The following MAVS variants were observed in gnomAD, a reference collection of about 807,000 sequenced individuals.
MAVS encodes mitochondrial antiviral-signaling protein.
Under a neutral mutation model 30.2 loss-of-function variants are expected in MAVS, and 20 were observed. That is an observed-to-expected ratio of 0.66 (90% confidence interval 0.47 to 0.96). The LOEUF (loss-of-function observed/expected upper bound fraction) is 0.96, where lower values mean the gene tolerates loss of function less well. Among genes scored for constraint, MAVS ranks in the 40% least tolerant of loss-of-function variants. The probability of loss-of-function intolerance (pLI) is 0.00; values close to 1 mark genes in which losing one functional copy is unlikely to be tolerated. For synonymous variants in MAVS, 278 were observed against 293.9 expected, an observed-to-expected ratio of 0.95 and a Z score of 0.55; for missense variants, 624 against 701.1, an observed-to-expected ratio of 0.89 and a Z score of 1.24.
chr20:3,873,201 T>G lies in MAVS; in HGVS notation c.*7054T>G, dbSNP rs1357194534. ...TGTAGGTGTACCCTTTGAATTCATA[T>G]GTTGAATCCTAACCCCCAAAGCAAT... On this transcript the variant is annotated 3_prime_UTR_variant, in exon 7 of 7. Transcript: ENST00000428216. 1 of 152,090 alleles carries G rather than the reference T, an allele frequency of 6.6e-6. No individual in the cohort carries two copies. The highest frequency in any genetic ancestry group is 1.5e-5 in the Non-Finnish European group (1 of 68,036). The allele number at this position is 152,090 out of a possible 1,614,324, so 9.4% of individuals were successfully genotyped here.
chr20:3,870,133 T>A lies in MAVS; in HGVS notation c.*3986T>A, dbSNP rs945902594. ...CAGGCAGGTCACCCTCACAGCCAGA[T>A]AATGTGGAGGTCAGAACCCAAGGAA... On this transcript the variant is annotated 3_prime_UTR_variant, in exon 7 of 7. Transcript: ENST00000428216. The A allele has an allele frequency of 2.0e-5, 3 of 152,276 alleles. No homozygotes were observed. The highest frequency in any genetic ancestry group is 4.4e-5 in the Non-Finnish European group (3 of 68,054). The allele number at this position is 152,276 out of a possible 1,614,324, so 9.4% of individuals were successfully genotyped here.
At chr20:3,859,922 T>G (rs926492101) in intron 3 of MAVS, among the ~76,000 whole-genome samples, 2 of 151,806 alleles carry the variant, frequency 1.3e-5, no homozygotes, top group African/African-American at 2.4e-5. Flanking sequence ...GTTCACGCCA[T>G]TCTCCTGCCT....
At chr20:3,854,084 C>T (rs563322018) in intron 1 of MAVS, among the ~76,000 whole-genome samples, 2 of 151,756 alleles carry the variant, frequency 1.3e-5, no homozygotes, top group Non-Finnish European at 2.9e-5. Flanking sequence ...AGGCGTGAAC[C>T]ACTGTGCCCA....
chr20:3,848,241 GGTGT>G (rs1190334052), intron 1 of MAVS, among the ~76,000 whole-genome samples: 12 of 152,068 alleles, frequency 7.9e-5, no homozygotes, highest in South Asian at 2.1e-4. Context: ...TGGGACTACA[GGTGT>G]GTGCCACCAT....
rs200410804 is a variant in MAVS, at chr20:3,851,545, C to G, written c.-67-3013C>G. 8.0e-5 allele frequency among the ~76,000 whole-genome samples: 12 copies of G among 150,822 alleles called. No homozygotes were observed. In the East Asian group the frequency reaches 2.4e-3, roughly 30 times the overall value. On this transcript the variant is annotated intron_variant, in intron 1 of 6. Transcript: ENST00000428216. The stretch of plus-strand genomic sequence containing the variant: ...AAAAAAGTTTATAAGGCTGAATTAC[C>G]GTACTGTCAAAACAAGCTGCTATCT...
chr20:3,847,562 A>G (rs1205461571), intron 1 of MAVS, among the ~76,000 whole-genome samples: 1 of 152,208 alleles, frequency 6.6e-6, no homozygotes, highest in African/African-American at 2.4e-5. Flanking sequence ...AAAAACACGA[A>G]AAAGGGATTC....
chr20:3,858,277 G>A (rs2089830670), intron 3 of MAVS, among the ~76,000 whole-genome samples: 2 of 151,254 alleles, frequency 1.3e-5, no homozygotes, highest in African/African-American at 2.4e-5. Context: ...AGCCTTCGAC[G>A]CCCTCTATCA....
In MAVS at chr20:3,866,924, C is replaced by T. The variant is rs778620630; in HGVS notation, c.*777C>T. The T allele has an allele frequency of 2.6e-5, 12 of 456,918 alleles. No individual in the cohort carries two copies. Among genetic ancestry groups the T allele is most frequent in the Non-Finnish European group, 4.0e-5 (9 of 226,990 alleles). The allele number at this position is 456,918 out of a possible 1,614,324, so 28.3% of individuals were successfully genotyped here. A position where few individuals can be genotyped will look rare whatever the true frequency, so the allele number is the denominator to read the frequency against. On this transcript the variant is annotated 3_prime_UTR_variant, in exon 7 of 7. Transcript: ENST00000428216. Reference sequence around the variant, plus strand: ...GCAGAGGTTTGGATTTCAGCTCCCTCACTTCCGGGGCTGTGTGGCTTTGGC... The same window carrying T: ...GCAGAGGTTTGGATTTCAGCTCCCTTACTTCCGGGGCTGTGTGGCTTTGGC...
chr20:3,864,934 A>C (rs551050335), intron 6 of MAVS, 146 bp downstream of exon 6: 1 of 964,574 alleles, frequency 1.0e-6, no homozygotes, highest in Non-Finnish European at 1.5e-6. Context: ...GCATACAGAC[A>C]GTTGAGAACC....
chr20:3,853,973 T>G, intron 1 of MAVS, among the ~76,000 whole-genome samples: 1 of 145,278 alleles, frequency 6.9e-6, no homozygotes. Flanking sequence ...TTTTTTTGTA[T>G]TTTTAGTAGA....
At chr20:3,863,905 G>C (rs1044042749) in intron 5 of MAVS, among the ~76,000 whole-genome samples, 1 of 152,178 alleles carries the variant, frequency 6.6e-6, no homozygotes, top group African/African-American at 2.4e-5. Flanking sequence ...GTCCAGGATT[G>C]CATGAGGCTA....
At chr20:3,847,494 C>G (rs1437763586) in intron 1 of MAVS, among the ~76,000 whole-genome samples, 1 of 152,224 alleles carries the variant, frequency 6.6e-6, no homozygotes, top group Non-Finnish European at 1.5e-5. Flanking sequence ...TGGGAACACT[C>G]TGTCACCTAC....
rs2089946549 is a variant in MAVS at position 3,870,619 on chromosome 20, G to A, written c.*4472G>A. 1 of 77,600 alleles carries A rather than the reference G, an allele frequency of 1.3e-5. No homozygotes were observed. Among genetic ancestry groups the A allele is most frequent in the African/African-American group, 4.9e-5 (1 of 20,586 alleles). 4.8% of individuals were successfully genotyped at this position (77,600 alleles called of 1,614,324 possible). On this transcript the variant is annotated 3_prime_UTR_variant, in exon 7 of 7. Transcript: ENST00000428216. ...GTTTGAGACAAGCCTGGGCAACAAA[G>A]CAAGACCCTATCTCTAAAAAAAAAA...
rs764478663 is a variant in MAVS at position 3,864,445 on chromosome 20, G to C, written c.815G>C (p.Gly272Ala). Residue 272 changes from glycine (G) to alanine (A), a missense_variant, in exon 6 of 7, where the codon GGT becomes GCT. Transcript: ENST00000428216. ...GCAGGGGCTGCAGAGGGTAAACAGG[G>C]TGCAGAGAGTGACCAGGCCGAGCCT... ...ASAGAAEGKQGAESDQAEPII... is the reference protein window; with the variant it reads ...ASAGAAEGKQAAESDQAEPII... 6.2e-7 allele frequency: 1 copy of C among 1,613,820 alleles called. No homozygotes were observed. The highest frequency in any genetic ancestry group is 8.5e-7 in the Non-Finnish European group (1 of 1,179,996).
Position 3,865,639 on chromosome 20 carries a change from C to T in MAVS, c.1159-44C>T, listed in dbSNP as rs1027621111. On this transcript the variant is annotated intron_variant, in intron 6 of 6. Coordinates refer to ENST00000428216, the MANE Select transcript of MAVS (RefSeq NM_020746.5). The surrounding 1 kb of genome is among the most constrained non-coding windows in gnomAD (Gnocchi z 4.7). ...GGGACCGCCCTACCAGGTTCGTCTC[C>T]CTGCCAACCCCAGTCCCTTCCAGTG... 2 of 1,524,756 alleles carry T rather than the reference C, an allele frequency of 1.3e-6. No homozygotes were observed. Among genetic ancestry groups the T allele is most frequent in the Non-Finnish European group, 1.8e-6 (2 of 1,133,408 alleles). 94.5% of individuals were successfully genotyped at this position (1,524,756 alleles called of 1,614,324 possible). A position where few individuals can be genotyped will look rare whatever the true frequency, so the allele number is the denominator to read the frequency against.
chr20:3,865,042 C>T lies in MAVS; in HGVS notation c.1158+254C>T, dbSNP rs1232421355. 2.6e-5 allele frequency among the ~76,000 whole-genome samples: 4 copies of T among 152,248 alleles called. No homozygotes were observed. The highest frequency in any genetic ancestry group is 5.9e-5 in the Non-Finnish European group (4 of 68,048). On this transcript the variant is annotated intron_variant, in intron 6 of 6. Coordinates refer to ENST00000428216, the MANE Select transcript of MAVS (RefSeq NM_020746.5). This position sits in a 1 kb window ranked among gnomAD's most constrained non-coding sequence, Gnocchi z 4.7. ...GAGGGTCAGCCACAGGGGGCACCCACTGGTCAGGTGTATAAGTTCATTTAG... is the reference window on the plus strand; with the variant it reads ...GAGGGTCAGCCACAGGGGGCACCCATTGGTCAGGTGTATAAGTTCATTTAG...
rs1600454920 is a variant in MAVS at position 3,865,566 on chromosome 20, T to A, written c.1159-117T>A. 16 of 952,728 alleles carry A rather than the reference T, an allele frequency of 1.7e-5. No homozygotes were observed. In the South Asian group the frequency reaches 2.6e-4, roughly 15 times the overall value. 59.0% of individuals were successfully genotyped at this position (952,728 alleles called of 1,614,324 possible). On this transcript the variant is annotated intron_variant, in intron 6 of 6. Coordinates refer to ENST00000428216, the MANE Select transcript of MAVS (RefSeq NM_020746.5). The surrounding 1 kb of genome is among the most constrained non-coding windows in gnomAD (Gnocchi z 4.7). ...AAAGGTGGCCTAGGGGCATTATAGATTGGGAATTGAGGGGTTGGAGTGTTA... is the reference window on the plus strand; with the variant it reads ...AAAGGTGGCCTAGGGGCATTATAGAATGGGAATTGAGGGGTTGGAGTGTTA...
rs1284219166 is a variant in MAVS, at chr20:3,866,625, C to A, written c.*478C>A. On this transcript the variant is annotated 3_prime_UTR_variant, in exon 7 of 7. Coordinates refer to ENST00000428216, the MANE Select transcript of MAVS (RefSeq NM_020746.5). ...CCCATCCTGGCAGCCCAGCCTGAGA[C>A]CGTTGCATTGAGGCAGGCAGGAGCG... 1.4e-5 allele frequency: 5 copies of A among 354,906 alleles called. No individual in the cohort carries two copies. Among genetic ancestry groups the A allele is most frequent in the Admixed American group, 7.7e-5 (2 of 26,124 alleles). 22.0% of individuals were successfully genotyped at this position (354,906 alleles called of 1,614,324 possible).
chr20:3,854,807 C>T (rs1416353719), intron 2 of MAVS, 66 bp downstream of exon 2: 2 of 1,166,026 alleles, frequency 1.7e-6, no homozygotes, highest in Admixed American at 1.9e-5. Flanking sequence ...AAAGCTCAGC[C>T]CCATCCTAGT....
Sources: allele counts gnomAD v4.1 joint callset (sites outside exome capture counted in the v4.1 genomes callset), GRCh38; gene constraint gnomAD v4.1.1; non-coding constraint Gnocchi (gnomAD v3.1); transcripts MANE v1.5; gene names NCBI Gene and HGNC (gene_info 2026-07-23, HGNC 2026-07-21).